DAB1: variants seen among roughly 807,000 people sequenced by gnomAD.
The protein encoded by DAB1 is disabled homolog 1.
A neutral mutation model predicts 64.6 loss-of-function variants in DAB1; 15 were observed. The ratio of observed to expected loss-of-function variants is 0.23; its 90% CI spans 0.16 to 0.36. The LOEUF is 0.36. Ranked by LOEUF, DAB1 falls within the 10% of genes least tolerant of loss-of-function variation. The pLI is 1.00. For missense variants in DAB1, 596 were observed against 706.7 expected, an observed-to-expected ratio of 0.84 and a Z score of 1.78; for synonymous variants, 235 against 251.9, an observed-to-expected ratio of 0.93 and a Z score of 0.64.
At chr1:57,129,569 T>A (rs571870914) in intron 4 of DAB1, among the ~76,000 whole-genome samples, 2 of 152,088 alleles carry the variant, frequency 1.3e-5, no homozygotes, top group South Asian at 4.1e-4. Context: ...AAGAGGACAC[T>A]CCCTGCTTCC....
Position 57,854,084 on chromosome 1 carries a change from T to C in DAB1, n.88-27629A>G, listed in dbSNP as rs144715105. 5.0e-3 allele frequency among the ~76,000 whole-genome samples: 761 copies of C among 152,308 alleles called. 3 individuals are homozygous for C. The highest frequency in any genetic ancestry group is 0.016 in the African/African-American group (651 of 41,570). On this transcript the variant is annotated intron_variant and non_coding_transcript_variant, in intron 1 of 1. Coordinates refer to the DAB1 transcript ENST00000477280. ...ACAAAAATAGACTGTTCTTTTGAAG[T>C]AGTTTTTAAGTTAAAAAAATTTAAA...
intron 6 of DAB1, among the ~76,000 whole-genome samples, chr1:57,769,055 AT>A (rs575211728): frequency 2.2e-4 from 33 of 152,164 alleles, no homozygotes; most frequent in Non-Finnish European, 3.2e-4. Flanking sequence ...CTGTGGGGCC[AT>A]TTCCAGCAGG....
chr1:57,223,080 A>G (rs766496196), intron 2 of DAB1, among the ~76,000 whole-genome samples: 1 of 152,170 alleles, frequency 6.6e-6, no homozygotes, highest in South Asian at 2.1e-4. Context: ...CCTGCAGAAG[A>G]TCTCCACCAG....
At chr1:57,069,333 T>C (rs764818326) in intron 8 of DAB1, 27 bp downstream of exon 8, 4 of 1,584,152 alleles carry the variant, frequency 2.5e-6, no homozygotes, top group South Asian at 1.1e-5. Flanking sequence ...AGTGGTGCAA[T>C]GGTAAGAGAG....
chr1:58,092,403 C>T (rs1427573433), intron 5 of DAB1, among the ~76,000 whole-genome samples: 2 of 152,094 alleles, frequency 1.3e-5, no homozygotes, highest in Admixed American at 1.3e-4. Flanking sequence ...TTTGCTTCTC[C>T]TCTTCAGCTG....
At chr1:57,906,034 A>C (rs1644546119) in intron 5 of DAB1, among the ~76,000 whole-genome samples, 1 of 152,150 alleles carries the variant, frequency 6.6e-6, no homozygotes, top group Non-Finnish European at 1.5e-5. Context: ...TAGTGATCTC[A>C]TTTATCAGTC....
At chr1:58,256,192 CTA>C in intron 4 of DAB1, among the ~76,000 whole-genome samples, 1 of 152,250 alleles carries the variant, frequency 6.6e-6, no homozygotes, top group Non-Finnish European at 1.5e-5. Flanking sequence ...ACGCTCTTCA[CTA>C]TCATTGGCAT....
chr1:58,478,679 C>A (rs1038064744), intron 3 of DAB1, among the ~76,000 whole-genome samples: 2 of 152,076 alleles, frequency 1.3e-5, no homozygotes, highest in Non-Finnish European at 2.9e-5. Context: ...CTATAATGTG[C>A]AAAGCATTAT....
intron 2 of DAB1, among the ~76,000 whole-genome samples, chr1:58,521,992 T>C (rs925599125): frequency 2.0e-5 from 3 of 152,176 alleles, no homozygotes; most frequent in Admixed American, 6.5e-5. Context: ...CCTTTGAACA[T>C]AGGATAAACA....
At chr1:58,540,968 T>C (rs1166725582) in intron 1 of DAB1, among the ~76,000 whole-genome samples, 1 of 151,970 alleles carries the variant, frequency 6.6e-6, no homozygotes, top group African/African-American at 2.4e-5. Flanking sequence ...CAATGAAAGA[T>C]AAAATCTTAA....
intron 4 of DAB1, among the ~76,000 whole-genome samples, chr1:58,191,707 G>A (rs1657396747): frequency 6.6e-6 from 1 of 152,122 alleles, no homozygotes; most frequent in African/African-American, 2.4e-5. Flanking sequence ...TAACAACTAC[G>A]ACACCCACCG....
At chr1:58,395,393 T>A (rs1002549990) in intron 3 of DAB1, among the ~76,000 whole-genome samples, 3 of 152,180 alleles carry the variant, frequency 2.0e-5, no homozygotes, top group Non-Finnish European at 4.4e-5. Flanking sequence ...TGGGCACGGA[T>A]TGCCCATCTG....
At chr1:57,595,285 T>C (rs1159631012) in intron 7 of DAB1, among the ~76,000 whole-genome samples, 1 of 152,038 alleles carries the variant, frequency 6.6e-6, no homozygotes, top group East Asian at 1.9e-4. Flanking sequence ...AGATTCTAAA[T>C]TTTTTGGAAT....
chr1:58,505,043 C>T (rs188995491), intron 3 of DAB1, among the ~76,000 whole-genome samples: 60 of 152,182 alleles, frequency 3.9e-4, no homozygotes, highest in African/African-American at 1.2e-3. Context: ...ACTTCTGCCT[C>T]CAGGGTTCAA....
chr1:58,309,850 A>T (rs1662388182), intron 4 of DAB1, among the ~76,000 whole-genome samples: 2 of 152,192 alleles, frequency 1.3e-5, no homozygotes, highest in Admixed American at 1.3e-4. Flanking sequence ...TAATATACTT[A>T]AAATTACCAG....
intron 7 of DAB1, among the ~76,000 whole-genome samples, chr1:57,458,991 G>A (rs1686692671): frequency 6.6e-6 from 1 of 151,954 alleles, no homozygotes; most frequent in Non-Finnish European, 1.5e-5. Context: ...AATCAAAAGA[G>A]AAACATGTGA....
At chr1:57,267,321 G>A (rs1334727877) in intron 2 of DAB1, among the ~76,000 whole-genome samples, 3 of 151,944 alleles carry the variant, frequency 2.0e-5, no homozygotes, top group Admixed American at 1.3e-4. Flanking sequence ...CCTCCAGAAC[G>A]CTGAGAAAGT....
chr1:57,704,393 T>C (rs567799775), intron 6 of DAB1, among the ~76,000 whole-genome samples: 43 of 152,294 alleles, frequency 2.8e-4, no homozygotes, highest in Middle Eastern at 3.4e-3. Flanking sequence ...ACCCCTGGCC[T>C]CTGAGCATTT....
chr1:57,949,566 A>ACAC (rs1553146617), intron 5 of DAB1, among the ~76,000 whole-genome samples: 108 of 127,166 alleles, frequency 8.5e-4, no homozygotes, highest in Non-Finnish European at 1.3e-3. Context: ...ACACACACAC[A>ACAC]ATATATATAT....
Sources: gnomAD v4.1 joint callset for allele counts (sites outside exome capture counted in the v4.1 genomes callset) on GRCh38, gnomAD v4.1.1 for gene constraint, MANE v1.5 for transcripts, NCBI Gene and HGNC (gene_info 2026-07-23, HGNC 2026-07-21) for gene names.